ROBO2: variants seen among roughly 807,000 people sequenced by gnomAD.
ROBO2 encodes roundabout guidance receptor 2.
A neutral mutation model predicts 160.8 loss-of-function variants in ROBO2; 53 were observed. The observed-to-expected ratio is 0.33, with a 90% confidence interval of 0.26 to 0.41. The LOEUF is 0.41. ROBO2 is among the 10% of genes least tolerant of loss of function. The probability of loss-of-function intolerance (pLI) is 1.00; values close to 1 mark genes in which losing one functional copy is unlikely to be tolerated. For missense variants in ROBO2, 1,577 were observed against 1,722.4 expected (o/e 0.92, Z 1.49); for synonymous variants, 664 against 611.7 (o/e 1.09, Z -1.26).
intron 2 of ROBO2, among the ~76,000 whole-genome samples, chr3:77,255,591 G>A (rs1011959593): frequency 3.9e-5 from 6 of 152,166 alleles, no homozygotes; most frequent in Non-Finnish European, 7.3e-5. Flanking sequence ...CCCTCTTTTG[G>A]AGTTACTATC....
intron 2 of ROBO2, among the ~76,000 whole-genome samples, chr3:76,690,394 C>T (rs1452658306): frequency 6.6e-6 from 1 of 151,810 alleles, no homozygotes; most frequent in African/African-American, 2.4e-5. Context: ...GAGTAGCAGC[C>T]CCTTATAAAA....
chr3:76,428,540 A>C (rs909344962), intron 2 of ROBO2, among the ~76,000 whole-genome samples: 1 of 152,140 alleles, frequency 6.6e-6, no homozygotes, highest in African/African-American at 2.4e-5. Context: ...GAGTCATGAT[A>C]CTATGAAAAT....
intron 1 of ROBO2, among the ~76,000 whole-genome samples, chr3:75,918,867 T>G (rs1390658402): frequency 1.3e-5 from 2 of 152,174 alleles, no homozygotes; most frequent in African/African-American, 4.8e-5. Flanking sequence ...AGAATGATTG[T>G]GATTTTTGCA....
chr3:77,326,259 TG>T (rs1408227913), intron 2 of ROBO2, among the ~76,000 whole-genome samples: 1 of 152,164 alleles, frequency 6.6e-6, no homozygotes, highest in Non-Finnish European at 1.5e-5. Flanking sequence ...TGAGGAGTAG[TG>T]AGTAAATGTG....
At chr3:77,370,852 C>G (rs758013665) in intron 2 of ROBO2, among the ~76,000 whole-genome samples, 1 of 152,048 alleles carries the variant, frequency 6.6e-6, no homozygotes, top group Non-Finnish European at 1.5e-5. Context: ...AACAAGAGAC[C>G]GCATTACCCA....
chr3:77,554,715 G>C (rs954651640), intron 8 of ROBO2, among the ~76,000 whole-genome samples: 3 of 152,108 alleles, frequency 2.0e-5, no homozygotes, highest in Admixed American at 1.3e-4. Flanking sequence ...AATGGCTACA[G>C]TCACATGATA....
chr3:76,241,337 G>A (rs1391666594), intron 2 of ROBO2, among the ~76,000 whole-genome samples: 2 of 152,200 alleles, frequency 1.3e-5, no homozygotes, highest in African/African-American at 4.8e-5. Context: ...AACAAACGAC[G>A]ATGTCAAAAT....
At chr3:77,186,910 T>C (rs1387013634) in intron 2 of ROBO2, among the ~76,000 whole-genome samples, 1 of 152,028 alleles carries the variant, frequency 6.6e-6, no homozygotes, top group Non-Finnish European at 1.5e-5. Context: ...TTACGTAATG[T>C]AATATGAACC....
At chr3:77,237,141 G>A (rs1434555360) in intron 2 of ROBO2, among the ~76,000 whole-genome samples, 2 of 151,220 alleles carry the variant, frequency 1.3e-5, no homozygotes, top group Non-Finnish European at 2.9e-5. Flanking sequence ...CCAAAGTGCT[G>A]GGCTTATAGG....
chr3:76,470,042 A>G (rs1388295657), intron 2 of ROBO2, among the ~76,000 whole-genome samples: 1 of 152,182 alleles, frequency 6.6e-6, no homozygotes, highest in Non-Finnish European at 1.5e-5. Flanking sequence ...CCTGTGAGAT[A>G]TCAAGGCATC....
chr3:76,531,186 A>G (rs968041837), intron 2 of ROBO2, among the ~76,000 whole-genome samples: 1 of 152,232 alleles, frequency 6.6e-6, no homozygotes, highest in African/African-American at 2.4e-5. Context: ...TATAAAAGTA[A>G]TGAAAGAATC....
intron 19 of ROBO2, among the ~76,000 whole-genome samples, chr3:77,601,918 A>G (rs1210133791): frequency 1.3e-5 from 2 of 152,216 alleles, no homozygotes; most frequent in Non-Finnish European, 2.9e-5. Flanking sequence ...TGAACAACTG[A>G]AAGCATTTTT....
At chr3:76,505,711 A>T (rs1030450058) in intron 2 of ROBO2, among the ~76,000 whole-genome samples, 7 of 152,132 alleles carry the variant, frequency 4.6e-5, no homozygotes, top group African/African-American at 1.7e-4. Context: ...GAGCCAAGAA[A>T]CATTTTTTCC....
In ROBO2 at chr3:76,348,570, A is replaced by G. The variant is rs147166411; in HGVS notation, c.109+410968A>G. Among the ~76,000 whole-genome samples, 914 of 152,148 alleles carry G rather than the reference A, an allele frequency of 6.0e-3. 9 individuals are homozygous for G. Among genetic ancestry groups the G allele is most frequent in the African/African-American group, 0.02 (848 of 41,530 alleles). ...AAAAGCAAGGGTAAAAGTTAAAATT[A>G]CCCCCAAGAACATCATGGCACAACC... On this transcript the variant is annotated intron_variant, in intron 2 of 26. Coordinates refer to the ROBO2 transcript ENST00000487694.
At chr3:76,657,712 GTATATATATTCATA>G (rs1560319625) in intron 2 of ROBO2, among the ~76,000 whole-genome samples, 1 of 132,950 alleles carries the variant, frequency 7.5e-6, no homozygotes, top group African/African-American at 3.4e-5. Context: ...ATATATGTGT[GTATATATATTCATA>G]TATGAGTGTA....
intron 2 of ROBO2, among the ~76,000 whole-genome samples, chr3:76,006,345 A>G (rs1045262792): frequency 6.6e-6 from 1 of 152,292 alleles, no homozygotes; most frequent in South Asian, 2.1e-4. Flanking sequence ...TGGATCTTCC[A>G]GTGATAGCTG....
chr3:76,256,809 A>G (rs918233493), intron 2 of ROBO2, among the ~76,000 whole-genome samples: 2 of 152,092 alleles, frequency 1.3e-5, no homozygotes, highest in Non-Finnish European at 2.9e-5. Context: ...CAGGCTTCAT[A>G]GGAAGCATGG....
chr3:76,408,763 CTATCTT>C (rs960522745), intron 2 of ROBO2, among the ~76,000 whole-genome samples: 8 of 151,976 alleles, frequency 5.3e-5, no homozygotes, highest in South Asian at 2.1e-4. Context: ...TACTCATCCT[CTATCTT>C]TATGTAAATT....
intron 2 of ROBO2, among the ~76,000 whole-genome samples, chr3:76,842,947 T>A (rs1179421405): frequency 2.0e-5 from 3 of 149,272 alleles, no homozygotes; most frequent in African/African-American, 7.4e-5. Flanking sequence ...GTAGTTATTT[T>A]ATTACAAGCC....
Sources: gnomAD v4.1 joint callset for allele counts (sites outside exome capture counted in the v4.1 genomes callset) on GRCh38, gnomAD v4.1.1 for gene constraint, MANE v1.5 for transcripts, NCBI Gene and HGNC (gene_info 2026-07-23, HGNC 2026-07-21) for gene names.